ONECUT1: variants seen among roughly 807,000 people sequenced by gnomAD.
ONECUT1 encodes one cut homeobox 1.
ONECUT1 carries 12 observed loss-of-function variants against 25.6 expected under a neutral mutation model. The ratio of observed to expected loss-of-function variants is 0.47; its 90% CI spans 0.30 to 0.76. ONECUT1 has a LOEUF of 0.76. ONECUT1 is among the 30% of genes least tolerant of loss of function. The pLI, the probability that ONECUT1 is intolerant of heterozygous loss-of-function variation, is 0.07. For synonymous variants in ONECUT1, 285 were observed against 270.2 expected (o/e 1.05, Z -0.54); for missense variants, 620 against 651.2 (o/e 0.95, Z 0.52).
At chr15:52,776,609 A>C (rs2083802681) in intron 1 of ONECUT1, among the ~76,000 whole-genome samples, 1 of 152,046 alleles carries the variant, frequency 6.6e-6, no homozygotes. Flanking sequence ...GCACCAACAC[A>C]CCAGGTCCTT....
Position 52,762,544 on chromosome 15 carries a change from C to G in ONECUT1, c.1106-4697G>C, listed in dbSNP as rs180743282. On this transcript the variant is annotated intron_variant, in intron 1 of 1. Coordinates refer to ENST00000305901, the MANE Select transcript of ONECUT1 (RefSeq NM_004498.4). ...ACTGTAGACGTTACAATACCAGAACCTGGGGAAGTGAGATTCTCTTGGAGC... is the reference window on the plus strand; with the variant it reads ...ACTGTAGACGTTACAATACCAGAACGTGGGGAAGTGAGATTCTCTTGGAGC... 7.2e-4 allele frequency among the ~76,000 whole-genome samples: 109 copies of G among 152,272 alleles called. 4 individuals are homozygous for G. The highest frequency in any genetic ancestry group is 7.1e-3 in the Admixed American group (109 of 15,294).
At position 52,784,129 on chromosome 15, in the gene ONECUT1, C is replaced by A. The variant is rs2456506; in HGVS notation, c.1105+4651G>T. Among the ~76,000 whole-genome samples, 53,159 of 152,076 alleles carry A rather than the reference C, an allele frequency of 0.35. 11,341 individuals are homozygous for A. Among genetic ancestry groups the A allele is most frequent in the African/African-American group, 0.61 (25,369 of 41,462 alleles). The stretch of plus-strand genomic sequence containing the variant: ...AGCCGCAGCACAGCCCGGCTACCCC[C>A]AGAAAGGGAGCCGAATGGAGGGAAG... On this transcript the variant is annotated intron_variant, in intron 1 of 1. Transcript: ENST00000305901. The surrounding 1 kb of genome is among the most constrained non-coding windows in gnomAD (Gnocchi z 5.0).
In ONECUT1 at chr15:52,788,801, T is replaced by C. The variant is rs747039620; in HGVS notation, c.1084A>G (p.Met362Val). Residue 362 changes from methionine (M) to valine (V), a missense_variant, in exon 1 of 2, where the codon ATG becomes GTG. Around this residue, in one of 4 missense-constraint regions of ONECUT1, gnomAD observed 146 missense variants for 201.8 expected, o/e 0.72. Transcript: ENST00000305901. This position sits in a 1 kb window ranked among gnomAD's most constrained non-coding sequence, Gnocchi z 4.3. ...TCACCTGCTAAGCGGAGCGCGGACA[T>C]GCGCTGGAACTCCGGCTCCTGCAGC... is the stretch of plus-strand genomic sequence containing the variant. ...KWLQEPEFQR[M>V]SALRLAACKR... 3.7e-6 allele frequency: 6 copies of C among 1,612,052 alleles called. No individual in the cohort carries two copies. Among genetic ancestry groups the C allele is most frequent in the Non-Finnish European group, 5.1e-6 (6 of 1,178,702 alleles).
rs142335825 is a variant in ONECUT1, at chr15:52,777,120, T to C, written c.1105+11660A>G. On this transcript the variant is annotated intron_variant, in intron 1 of 1. Transcript: ENST00000305901. ...TTATTCCTCTAAGGATCTTGAAGTTTTGAGTGAACTTTTGATTTCAAAAAG... is the reference window on the plus strand; with the variant it reads ...TTATTCCTCTAAGGATCTTGAAGTTCTGAGTGAACTTTTGATTTCAAAAAG... Among the ~76,000 whole-genome samples the C allele has an allele frequency of 3.9e-5, 6 of 152,308 alleles. No homozygotes were observed. The East Asian group carries it at 1.2e-3, about 29-fold the overall frequency.
At chr15:52,779,585 T>A (rs1337079975) in intron 1 of ONECUT1, among the ~76,000 whole-genome samples, 2 of 152,186 alleles carry the variant, frequency 1.3e-5, no homozygotes, top group African/African-American at 4.8e-5. Flanking sequence ...ATCTGATTGA[T>A]CATTCTTGTC....
rs552920992 is a variant in ONECUT1, at chr15:52,755,547, T to G, written c.*2008A>C. Among the ~76,000 whole-genome samples, 2 of 152,210 alleles carry G rather than the reference T, an allele frequency of 1.3e-5. No homozygotes were observed. Among genetic ancestry groups the G allele is most frequent in the African/African-American group, 4.8e-5 (2 of 41,454 alleles). Reference sequence around the variant, plus strand: ...ACAGCAGACATGAAGGAGACACAGATAGATGGCTTGTTGGTTTTGCTTTAC... The same window carrying G: ...ACAGCAGACATGAAGGAGACACAGAGAGATGGCTTGTTGGTTTTGCTTTAC... On this transcript the variant is annotated 3_prime_UTR_variant, in exon 2 of 2. Transcript: ENST00000305901.
chr15:52,781,795 T>A (rs1357670116), intron 1 of ONECUT1, among the ~76,000 whole-genome samples: 1 of 152,228 alleles, frequency 6.6e-6, no homozygotes, highest in African/African-American at 2.4e-5. Context: ...TCAGTTTTTT[T>A]AAAGGTCTCT....
chr15:52,778,617 A>G (rs1460715028), intron 1 of ONECUT1, among the ~76,000 whole-genome samples: 1 of 152,230 alleles, frequency 6.6e-6, no homozygotes, highest in Non-Finnish European at 1.5e-5. Flanking sequence ...AACACAAGCA[A>G]TGGAATCTCA....
chr15:52,789,063 C>A lies in ONECUT1; in HGVS notation c.822G>T (p.Ser274=), dbSNP rs768134736. ...LLGTAREPNP[S]VTGAQVSNGS... Reference sequence around the variant, plus strand: ...CATTGCTGACCTGCGCGCCGGTCACCGAAGGGTTGGGCTCCCGGGCTGTGC... The same window carrying A: ...CATTGCTGACCTGCGCGCCGGTCACAGAAGGGTTGGGCTCCCGGGCTGTGC... Residue 274 remains serine, a synonymous_variant, in exon 1 of 2, where the codon TCG becomes TCT. Transcript: ENST00000305901. This position sits in a 1 kb window ranked among gnomAD's most constrained non-coding sequence, Gnocchi z 4.1. 1.9e-6 allele frequency: 3 copies of A among 1,602,782 alleles called. No individual in the cohort carries two copies. The highest frequency in any genetic ancestry group is 2.5e-6 in the Non-Finnish European group (3 of 1,179,970).
At chr15:52,764,955 G>A (rs1457743530) in intron 1 of ONECUT1, among the ~76,000 whole-genome samples, 1 of 152,184 alleles carries the variant, frequency 6.6e-6, no homozygotes, top group Non-Finnish European at 1.5e-5. Context: ...GTCAGATGGG[G>A]GTGCACTGGT....
chr15:52,779,565 G>C (rs531705465), intron 1 of ONECUT1, among the ~76,000 whole-genome samples: 6 of 152,308 alleles, frequency 3.9e-5, no homozygotes, highest in African/African-American at 1.4e-4. Context: ...GGGATAAACA[G>C]TCCCCAATTA....
In ONECUT1 at chr15:52,757,511, A is replaced by T; in HGVS notation, c.*44T>A. The T allele has an allele frequency of 6.4e-7, 1 of 1,550,466 alleles. No individual in the cohort carries two copies. Among genetic ancestry groups the T allele is most frequent in the Non-Finnish European group, 8.7e-7 (1 of 1,153,808 alleles). ...TCCTGGTCTTTTAAAAATTTTTTTT[A>T]ATTTAAAGCTTTTCCACCGAGGTTT... On this transcript the variant is annotated 3_prime_UTR_variant, in exon 2 of 2. Transcript: ENST00000305901.
At position 52,757,393 on chromosome 15, in the gene ONECUT1, A is replaced by T; in HGVS notation, c.*162T>A. 1 of 761,250 alleles carries T rather than the reference A, an allele frequency of 1.3e-6. No homozygotes were observed. The highest frequency in any genetic ancestry group is 2.0e-6 in the Non-Finnish European group (1 of 492,194). The allele number at this position is 761,250 out of a possible 1,614,324, so 47.2% of individuals were successfully genotyped here. On this transcript the variant is annotated 3_prime_UTR_variant, in exon 2 of 2. Transcript: ENST00000305901. ...AGTGTGTGTCTCCAAACAAAGTCAG[A>T]ATGCAGGTGAGCTAAGTCTTTGGTT...
intron 1 of ONECUT1, among the ~76,000 whole-genome samples, chr15:52,782,340 C>T (rs1181957306): frequency 6.6e-6 from 1 of 152,174 alleles, no homozygotes; most frequent in Non-Finnish European, 1.5e-5. Context: ...GGTCTAGTCA[C>T]CTAGCCCAAT....
chr15:52,785,960 C>T (rs2083872107), intron 1 of ONECUT1: 1 of 152,200 alleles, frequency 6.6e-6, no homozygotes, highest in Non-Finnish European at 1.5e-5. Flanking sequence ...GAGAAGCCAC[C>T]ACTCTCCCGC....
chr15:52,761,521 A>C (rs2083705921), intron 1 of ONECUT1, among the ~76,000 whole-genome samples: 1 of 152,158 alleles, frequency 6.6e-6, no homozygotes, highest in Non-Finnish European at 1.5e-5. Context: ...ACATACAAAA[A>C]TTAGCAGGGC....
chr15:52,766,508 G>A (rs1342703893), intron 1 of ONECUT1, among the ~76,000 whole-genome samples: 1 of 152,180 alleles, frequency 6.6e-6, no homozygotes, highest in East Asian at 1.9e-4. Flanking sequence ...AGCCAGATCC[G>A]TCTTGATGTG....
At chr15:52,775,892 T>C (rs1053222754) in intron 1 of ONECUT1, among the ~76,000 whole-genome samples, 1 of 152,250 alleles carries the variant, frequency 6.6e-6, no homozygotes, top group African/African-American at 2.4e-5. Flanking sequence ...CTGTCTACTC[T>C]GCTGTTCTCT....
chr15:52,774,122 TACAC>T (rs35891922), intron 1 of ONECUT1, among the ~76,000 whole-genome samples: 2,079 of 137,732 alleles, frequency 0.015, 20 homozygotes, highest in Middle Eastern at 0.069. Context: ...ATTGGAAGGA[TACAC>T]ACACACACAC....
Sources: allele counts gnomAD v4.1 joint callset (sites outside exome capture counted in the v4.1 genomes callset), GRCh38; gene constraint gnomAD v4.1.1; regional missense constraint gnomAD v4.1.1; non-coding constraint Gnocchi (gnomAD v3.1); transcripts MANE v1.5; gene names NCBI Gene and HGNC (gene_info 2026-07-23, HGNC 2026-07-21).